Variants in IGSF11 observed in about 807,000 individuals in gnomAD.
The protein encoded by IGSF11 is immunoglobulin superfamily member 11, also known as CXADR like 1.
In IGSF11, 22 loss-of-function variants were observed where a neutral mutation model predicts 41.0. That is an observed-to-expected ratio of 0.54 (90% CI 0.38 to 0.77). The LOEUF is 0.77. Ranked by LOEUF, IGSF11 falls within the 30% of genes least tolerant of loss-of-function variation. The probability of loss-of-function intolerance (pLI) is 0.00; values close to 1 mark genes in which losing one functional copy is unlikely to be tolerated. For synonymous variants in IGSF11, 219 were observed against 201.3 expected (o/e 1.09, Z -0.74); for missense variants, 444 against 530.8 (o/e 0.84, Z 1.61).
chr3:119,042,955 A>G (rs251452), intron 1 of IGSF11, among the ~76,000 whole-genome samples: 113,110 of 152,072 alleles, frequency 0.74, 43,168 homozygotes, highest in African/African-American at 0.93. Context: ...CCAAGATGGC[A>G]GCAAGCCTCT....
At chr3:118,930,710 A>T (rs181719316) in intron 1 of IGSF11, among the ~76,000 whole-genome samples, 17 of 152,366 alleles carry the variant, frequency 1.1e-4, no homozygotes, top group Admixed American at 2.6e-4. Flanking sequence ...CAAGAAGAGT[A>T]TACAATGCTA....
At chr3:119,119,351 G>C (rs1022209855) in intron 1 of IGSF11, among the ~76,000 whole-genome samples, 4 of 152,192 alleles carry the variant, frequency 2.6e-5, no homozygotes, top group Non-Finnish European at 5.9e-5. Context: ...CAGTCAAAGA[G>C]AGCTTGTGCA....
rs138968141 is a variant in IGSF11 at position 119,116,250 on chromosome 3, A to G, written c.-13-11045T>C. 1.7e-3 allele frequency among the ~76,000 whole-genome samples: 256 copies of G among 152,200 alleles called. 5 individuals carry two copies. In the East Asian group the frequency reaches 0.021, roughly 12 times the overall value. The stretch of plus-strand genomic sequence containing the variant: ...ACAAAAAGGCAGAAGATGAAGGAAT[A>G]TGCTCTTTTTTTTTCCTGCCTGCCT... On this transcript the variant is annotated intron_variant, in intron 1 of 7. Coordinates refer to the IGSF11 transcript ENST00000425327.
intron 1 of IGSF11, among the ~76,000 whole-genome samples, chr3:119,110,953 G>A (rs1684015873): frequency 6.6e-6 from 1 of 151,878 alleles, no homozygotes; most frequent in African/African-American, 2.4e-5. Flanking sequence ...TTTCTGCCGA[G>A]AGATCCGCTA....
chr3:118,989,617 C>G (rs958736226), intron 1 of IGSF11, among the ~76,000 whole-genome samples: 26 of 152,230 alleles, frequency 1.7e-4, no homozygotes, highest in African/African-American at 6.0e-4. Flanking sequence ...GCCTCCCAAA[C>G]TGCTGAGATT....
intron 1 of IGSF11, among the ~76,000 whole-genome samples, chr3:119,141,556 A>G (rs1009339707): frequency 6.6e-6 from 1 of 150,578 alleles, no homozygotes; most frequent in African/African-American, 2.4e-5. Context: ...AAAGACTCAA[A>G]TAACTAAAAT....
At chr3:119,057,344 C>A (rs1353567861) in intron 1 of IGSF11, among the ~76,000 whole-genome samples, 4 of 151,954 alleles carry the variant, frequency 2.6e-5, no homozygotes, top group East Asian at 1.9e-4. Flanking sequence ...AAACAGAGAG[C>A]CAAATCATGA....
chr3:119,030,681 C>T (rs1036086218), intron 1 of IGSF11, among the ~76,000 whole-genome samples: 1 of 152,180 alleles, frequency 6.6e-6, no homozygotes, highest in Non-Finnish European at 1.5e-5. Flanking sequence ...GAACCAACAA[C>T]CTCTCTTAAG....
chr3:118,930,631 C>A (rs1404328676), intron 1 of IGSF11, among the ~76,000 whole-genome samples: 1 of 152,118 alleles, frequency 6.6e-6, no homozygotes, highest in Non-Finnish European at 1.5e-5. Context: ...AAGCACACTG[C>A]AAAATTAAAT....
intron 4 of IGSF11, among the ~76,000 whole-genome samples, chr3:118,909,631 A>G (rs1049752479): frequency 2.0e-5 from 3 of 152,268 alleles, no homozygotes; most frequent in Non-Finnish European, 4.4e-5. Context: ...TCCCATTAAT[A>G]GAATTTCCAA....
intron 1 of IGSF11, among the ~76,000 whole-genome samples, chr3:119,014,026 AAC>A (rs1938414810): frequency 6.6e-6 from 1 of 152,254 alleles, no homozygotes; most frequent in African/African-American, 2.4e-5. Context: ...GGGATGAAAT[AAC>A]AGAAACCCAG....
chr3:119,108,307 T>C (rs62273472), upstream of IGSF11, among the ~76,000 whole-genome samples: 125,329 of 133,824 alleles, frequency 0.94, 58,915 homozygotes, highest in East Asian at 1. Context: ...CCTTCACATC[T>C]CTTGTAAGTT....
At chr3:118,983,678 A>C (rs1010569338) in intron 1 of IGSF11, among the ~76,000 whole-genome samples, 2 of 152,178 alleles carry the variant, frequency 1.3e-5, no homozygotes, top group African/African-American at 4.8e-5. Context: ...AGAGAGACTA[A>C]GTAACTAGCC....
chr3:119,047,841 T>A (rs1043349657), intron 1 of IGSF11, among the ~76,000 whole-genome samples: 9 of 151,890 alleles, frequency 5.9e-5, no homozygotes, highest in South Asian at 2.1e-4. Flanking sequence ...GGATTAAGAA[T>A]CTCACTCAAA....
chr3:118,993,655 A>C (rs1026791362), intron 1 of IGSF11, among the ~76,000 whole-genome samples: 3 of 152,260 alleles, frequency 2.0e-5, no homozygotes, highest in Non-Finnish European at 4.4e-5. Context: ...ATATCCATAC[A>C]TGTAATATTA....
chr3:119,114,699 G>A (rs1340277330), intron 1 of IGSF11, among the ~76,000 whole-genome samples: 1 of 152,088 alleles, frequency 6.6e-6, no homozygotes, highest in Non-Finnish European at 1.5e-5. Flanking sequence ...CCTCCCAAAT[G>A]TTCTAACTTT....
upstream of IGSF11, among the ~76,000 whole-genome samples, chr3:119,109,853 T>C (rs918886086): frequency 6.6e-5 from 10 of 152,224 alleles, no homozygotes; most frequent in African/African-American, 2.4e-4. Context: ...ATGTACCCAG[T>C]AGTCATTCAG....
At chr3:118,964,128 C>T (rs897976448) in intron 1 of IGSF11, among the ~76,000 whole-genome samples, 9 of 152,170 alleles carry the variant, frequency 5.9e-5, no homozygotes, top group African/African-American at 9.6e-5. Context: ...AGTTCTTTCA[C>T]AGTTATGTCC....
intron 1 of IGSF11, among the ~76,000 whole-genome samples, chr3:118,977,006 G>C (rs1934189242): frequency 6.6e-6 from 1 of 152,144 alleles, no homozygotes; most frequent in South Asian, 2.1e-4. Context: ...GCCAGGGCAT[G>C]TTCATTTATT....
Sources: gnomAD v4.1 joint callset for allele counts (sites outside exome capture counted in the v4.1 genomes callset) on GRCh38, gnomAD v4.1.1 for gene constraint, MANE v1.5 for transcripts, NCBI Gene and HGNC (gene_info 2026-07-23, HGNC 2026-07-21) for gene names.